The following KLRD1 variants were observed in gnomAD, a reference collection of about 807,000 sequenced individuals.
KLRD1 encodes killer cell lectin like receptor D1.
A neutral mutation model predicts 22.6 loss-of-function variants in KLRD1; 21 were observed. The ratio of observed to expected loss-of-function variants is 0.93; its 90% confidence interval spans 0.66 to 1.34. The LOEUF (loss-of-function observed/expected upper bound fraction) is 1.34. Among genes scored for constraint, KLRD1 ranks in the 40% most tolerant of loss-of-function variants. The pLI is 0.00. For missense variants in KLRD1, 183 were observed against 208.6 expected, an observed-to-expected ratio of 0.88 and a Z score of 0.76; for synonymous variants, 59 against 71.1, an observed-to-expected ratio of 0.83 and a Z score of 0.85.
chr12:10,265,567 G>T (rs1182380318), intron 1 of KLRD1, among the ~76,000 whole-genome samples: 2 of 152,154 alleles, frequency 1.3e-5, no homozygotes, highest in African/African-American at 4.8e-5. Flanking sequence ...GACCAGTCTG[G>T]CCAAAATGGT....
intron 1 of KLRD1, among the ~76,000 whole-genome samples, chr12:10,268,120 A>G (rs558120861): frequency 3.7e-4 from 57 of 152,348 alleles, no homozygotes; most frequent in African/African-American, 1.3e-3. Flanking sequence ...GGGTAGGCAT[A>G]GTAATATCAC....
intron 1 of KLRD1, among the ~76,000 whole-genome samples, chr12:10,249,661 G>A (rs1949326788): frequency 6.6e-6 from 1 of 152,144 alleles, no homozygotes; most frequent in African/African-American, 2.4e-5. Context: ...AGAATTTATT[G>A]AGAAGCATCC....
Position 10,252,174 on chromosome 12 carries a change from C to T in KLRD1, c.-101+25941C>T, listed in dbSNP as rs116378090. On this transcript the variant is annotated intron_variant, in intron 1 of 5. Coordinates refer to the KLRD1 transcript ENST00000544747. ...ACACTAGGCCAGGTATGGTGGTTTA[C>T]ACCTATAATCCCAGCACTTTGGGAG... Among the ~76,000 whole-genome samples the T allele has an allele frequency of 3.7e-3, 566 of 152,250 alleles. 4 individuals are homozygous for T. Among genetic ancestry groups the T allele is most frequent in the African/African-American group, 0.012 (513 of 41,536 alleles).
chr12:10,280,570 G>A (rs1475606522), intron 1 of KLRD1, among the ~76,000 whole-genome samples: 1 of 152,130 alleles, frequency 6.6e-6, no homozygotes, highest in Non-Finnish European at 1.5e-5. Flanking sequence ...CAAGAGTTCA[G>A]GACAGATTCT....
At chr12:10,276,696 A>C (rs950694637) in intron 1 of KLRD1, among the ~76,000 whole-genome samples, 2 of 8,500 alleles carry the variant, frequency 2.4e-4, no homozygotes, top group African/African-American at 6.4e-4. Flanking sequence ...AAAATTTGAC[A>C]AAAAAAAAAA....
chr12:10,279,537 T>A (rs1482336794), intron 1 of KLRD1, among the ~76,000 whole-genome samples: 1 of 152,216 alleles, frequency 6.6e-6, no homozygotes, highest in African/African-American at 2.4e-5. Context: ...ATAGGCAGTA[T>A]GACAGGTATT....
At chr12:10,307,818 C>A, upstream of KLRD1, 1 of 406,740 alleles carries the variant, frequency 2.5e-6, no homozygotes, top group Non-Finnish European at 4.4e-6. Flanking sequence ...TGAGAATTTC[C>A]TGTATTGTGG....
chr12:10,239,013 G>A (rs1949208548), intron 1 of KLRD1, among the ~76,000 whole-genome samples: 1 of 151,384 alleles, frequency 6.6e-6, no homozygotes, highest in Non-Finnish European at 1.5e-5. Context: ...TTATTAAGAT[G>A]TTCGAAAAGC....
upstream of KLRD1, among the ~76,000 whole-genome samples, chr12:10,307,486 T>C (rs1425522884): frequency 6.6e-6 from 1 of 152,160 alleles, no homozygotes; most frequent in South Asian, 2.1e-4. Context: ...TTCTCTTTGA[T>C]AGATTGAAGA....
chr12:10,278,205 G>C (rs1251768520), intron 1 of KLRD1, among the ~76,000 whole-genome samples: 2 of 152,138 alleles, frequency 1.3e-5, no homozygotes, highest in Non-Finnish European at 2.9e-5. Flanking sequence ...TCTTGTAGCT[G>C]TCCGTTGAGC....
intron 1 of KLRD1, among the ~76,000 whole-genome samples, chr12:10,239,449 C>CCTTCCTTG (rs1949215017): frequency 1.8e-5 from 1 of 56,634 alleles, no homozygotes; most frequent in Non-Finnish European, 3.8e-5. Flanking sequence ...TTCCTTCCTT[C>CCTTCCTTG]CTTCCTTCCT....
intron 5 of KLRD1, among the ~76,000 whole-genome samples, chr12:10,314,317 C>T (rs1950170908): frequency 2.0e-5 from 3 of 152,086 alleles, no homozygotes; most frequent in Admixed American, 1.3e-4. Flanking sequence ...ATGAGATTTG[C>T]AGCATCACAC....
chr12:10,298,711 C>T (rs1949842484), intron 1 of KLRD1, among the ~76,000 whole-genome samples: 1 of 152,236 alleles, frequency 6.6e-6, no homozygotes, highest in South Asian at 2.1e-4. Context: ...AGAACATGTT[C>T]CTGCTGCAGT....
chr12:10,244,749 C>T (rs537131306), intron 1 of KLRD1, among the ~76,000 whole-genome samples: 97 of 152,180 alleles, frequency 6.4e-4, no homozygotes, highest in African/African-American at 2.3e-3. Flanking sequence ...CGCCACTGCA[C>T]TCCAGCCTGG....
rs987431710 is a variant in KLRD1, at chr12:10,316,317, A to G, written c.*1524A>G. The G allele has an allele frequency of 1.3e-5, 2 of 152,134 alleles. No individual in the cohort carries two copies. Among genetic ancestry groups the G allele is most frequent in the African/African-American group, 4.8e-5 (2 of 41,410 alleles). 9.4% of individuals were successfully genotyped at this position (152,134 alleles called of 1,614,324 possible). ...GTGTACCAATTAGAAACCACTTTAGAGTTATGCCTACTGTACCCACATAAT... is the reference window on the plus strand; with the variant it reads ...GTGTACCAATTAGAAACCACTTTAGGGTTATGCCTACTGTACCCACATAAT... On this transcript the variant is annotated 3_prime_UTR_variant, in exon 6 of 6. Coordinates refer to ENST00000336164, the MANE Select transcript of KLRD1 (RefSeq NM_002262.5).
chr12:10,290,900 G>A (rs911141777), intron 1 of KLRD1, among the ~76,000 whole-genome samples: 1 of 151,994 alleles, frequency 6.6e-6, no homozygotes, highest in Non-Finnish European at 1.5e-5. Context: ...TCTGAATAAG[G>A]TCTATGGATT....
intron 1 of KLRD1, among the ~76,000 whole-genome samples, chr12:10,256,868 G>A (rs917715427): frequency 2.0e-5 from 3 of 151,738 alleles, no homozygotes; most frequent in African/African-American, 7.3e-5. Flanking sequence ...ACTCTCTCTA[G>A]CTTTTCTCTT....
At chr12:10,313,754 A>C (rs1950155156) in intron 5 of KLRD1, among the ~76,000 whole-genome samples, 1 of 152,172 alleles carries the variant, frequency 6.6e-6, no homozygotes, top group South Asian at 2.1e-4. Context: ...GGTATAGGAT[A>C]GTTGGTGCAA....
chr12:10,284,205 C>T (rs567575388), intron 1 of KLRD1, among the ~76,000 whole-genome samples: 1,714 of 151,860 alleles, frequency 0.011, 42 homozygotes, highest in African/African-American at 0.039. Context: ...ACAGTAACAA[C>T]AACAACAACA....
Sources: gnomAD v4.1 joint callset for allele counts (sites outside exome capture counted in the v4.1 genomes callset) on GRCh38, gnomAD v4.1.1 for gene constraint, MANE v1.5 for transcripts, NCBI Gene and HGNC (gene_info 2026-07-23, HGNC 2026-07-21) for gene names.